PKHD1: variants seen among roughly 807,000 people sequenced by gnomAD.
PKHD1 encodes the protein fibrocystin.
Under a neutral mutation model 412.0 loss-of-function variants are expected in PKHD1, and 291 were observed. The ratio of observed to expected loss-of-function variants is 0.71; its 90% CI spans 0.64 to 0.78. PKHD1 has a LOEUF of 0.78. Among genes scored for constraint, PKHD1 ranks in the 30% least tolerant of loss-of-function variants. The pLI is 0.00. For missense variants in PKHD1, 4,825 were observed against 4,950.7 expected, an observed-to-expected ratio of 0.97 and a Z score of 0.76; for synonymous variants, 1,777 against 1,821.5, an observed-to-expected ratio of 0.98 and a Z score of 0.62.
intron 14 of PKHD1, among the ~76,000 whole-genome samples, chr6:52,061,841 A>G (rs1235145813): frequency 6.6e-6 from 1 of 152,200 alleles, no homozygotes; most frequent in Admixed American, 6.5e-5. Context: ...TTCAACATAT[A>G]CACTGAGAAC....
intron 65 of PKHD1, among the ~76,000 whole-genome samples, chr6:51,631,586 C>T (rs1767923833): frequency 6.6e-6 from 1 of 152,190 alleles, no homozygotes; most frequent in African/African-American, 2.4e-5. Context: ...TTCACTCTTG[C>T]TTTTACTTTG....
Position 52,069,359 on chromosome 6 carries a change from T to C in PKHD1, c.778+98A>G, listed in dbSNP as rs763397252. The C allele has an allele frequency of 2.2e-5, 19 of 849,248 alleles. No homozygotes were observed. In the Admixed American group the frequency reaches 3.2e-4, roughly 14 times the overall value. 52.6% of individuals were successfully genotyped at this position (849,248 alleles called of 1,614,324 possible). On this transcript the variant is annotated intron_variant, in intron 11 of 66. Transcript: ENST00000371117. ...CTATGATTGTAGGGACAGCTTCGGG[T>C]GTTAATGGTCATCAAGAAATGGCCA...
At chr6:51,854,269 A>G (rs1282807388) in intron 49 of PKHD1, among the ~76,000 whole-genome samples, 1 of 151,976 alleles carries the variant, frequency 6.6e-6, no homozygotes, top group African/African-American at 2.4e-5. Context: ...ATGTCACTCA[A>G]GGAGACAGGA....
intron 60 of PKHD1, among the ~76,000 whole-genome samples, chr6:51,702,987 G>A (rs1210103529): frequency 6.6e-6 from 1 of 150,588 alleles, no homozygotes; most frequent in Non-Finnish European, 1.5e-5. Flanking sequence ...AAGATAAATG[G>A]CCCCCTGCCC....
chr6:51,873,010 T>C (rs935396444), intron 46 of PKHD1, among the ~76,000 whole-genome samples: 2 of 147,482 alleles, frequency 1.4e-5, no homozygotes, highest in Non-Finnish European at 3.0e-5. Context: ...ATGAAGGAAA[T>C]CTCCAGGATA....
intron 60 of PKHD1, among the ~76,000 whole-genome samples, chr6:51,672,832 GA>G (rs1040778385): frequency 2.0e-5 from 3 of 152,174 alleles, no homozygotes; most frequent in African/African-American, 7.2e-5. Context: ...TGAACAATTT[GA>G]GTTGGAAAGA....
chr6:51,731,421 T>C (rs1171590849), intron 60 of PKHD1, among the ~76,000 whole-genome samples: 1 of 152,210 alleles, frequency 6.6e-6, no homozygotes, highest in Non-Finnish European at 1.5e-5. Flanking sequence ...TAAAGGATTG[T>C]TAACTTGAGT....
At chr6:51,661,953 C>A (rs1772932462) in intron 60 of PKHD1, among the ~76,000 whole-genome samples, 1 of 151,850 alleles carries the variant, frequency 6.6e-6, no homozygotes, top group Admixed American at 6.6e-5. Flanking sequence ...CTATGCTAAA[C>A]CTGACCATGG....
At position 52,022,811 on chromosome 6, in the gene PKHD1, C is replaced by T. The variant is rs758616921; in HGVS notation, c.5370G>A (p.Leu1790=). The change falls in exon 33 of 67, where the codon CTG becomes CTA. Residue 1790 remains leucine, a synonymous_variant. Coordinates refer to ENST00000371117, the MANE Select transcript of PKHD1 (RefSeq NM_138694.4). ...ATVSAFSCLV[L]PLDVSLAFLC... Reference sequence around the variant, plus strand: ...GGCATCTTTACTCACCATCCAGGGGCAGAACCAAGCAGCTGAAGGCAGACA... The same window carrying T: ...GGCATCTTTACTCACCATCCAGGGGTAGAACCAAGCAGCTGAAGGCAGACA... 1 of 1,613,966 alleles carries T rather than the reference C, an allele frequency of 6.2e-7. No individual in the cohort carries two copies.
intron 60 of PKHD1, among the ~76,000 whole-genome samples, chr6:51,722,475 G>T (rs1026822270): frequency 6.6e-6 from 1 of 152,108 alleles, no homozygotes; most frequent in Non-Finnish European, 1.5e-5. Flanking sequence ...AAAAGCAAAG[G>T]CCCTAAACTC....
At chr6:51,672,462 GA>G (rs1775159217) in intron 60 of PKHD1, among the ~76,000 whole-genome samples, 2 of 152,196 alleles carry the variant, frequency 1.3e-5, no homozygotes, top group Non-Finnish European at 2.9e-5. Flanking sequence ...ACACATAGCT[GA>G]GATTTGTTTT....
chr6:51,771,715 A>G (rs1370477258), intron 55 of PKHD1, among the ~76,000 whole-genome samples: 1 of 151,982 alleles, frequency 6.6e-6, no homozygotes, highest in Non-Finnish European at 1.5e-5. Context: ...TTATTCTCAA[A>G]TTTTATTTCT....
intron 61 of PKHD1, among the ~76,000 whole-genome samples, chr6:51,651,566 T>C (rs1215158708): frequency 6.6e-6 from 1 of 152,062 alleles, no homozygotes; most frequent in African/African-American, 2.4e-5. Context: ...TTCTGATAGG[T>C]CAATAGCAGC....
intron 37 of PKHD1, among the ~76,000 whole-genome samples, chr6:51,923,638 T>A (rs1229002248): frequency 1.3e-5 from 2 of 152,168 alleles, no homozygotes; most frequent in East Asian, 3.8e-4. Context: ...AAAATATTTG[T>A]AGATTTGCCA....
intron 48 of PKHD1, among the ~76,000 whole-genome samples, chr6:51,861,161 A>G (rs1244045482): frequency 6.6e-6 from 1 of 152,164 alleles, no homozygotes; most frequent in Non-Finnish European, 1.5e-5. Flanking sequence ...ATATAACACT[A>G]TCACTTGGTA....
chr6:51,889,312 T>A (rs1425090115), intron 43 of PKHD1, among the ~76,000 whole-genome samples: 1 of 152,122 alleles, frequency 6.6e-6, no homozygotes, highest in East Asian at 1.9e-4. Flanking sequence ...CAACAAGACA[T>A]TAAATGCCTT....
chr6:51,791,709 G>A (rs981761146), intron 52 of PKHD1, among the ~76,000 whole-genome samples: 4 of 152,190 alleles, frequency 2.6e-5, no homozygotes, highest in Non-Finnish European at 4.4e-5. Flanking sequence ...TTTGGCTCTA[G>A]TTTCAGGGAT....
At chr6:52,063,490 A>C (rs1324536370) in intron 13 of PKHD1, among the ~76,000 whole-genome samples, 2 of 152,260 alleles carry the variant, frequency 1.3e-5, no homozygotes, top group Non-Finnish European at 2.9e-5. Context: ...TTATTATTTT[A>C]AACTAATACT....
At chr6:51,913,295 C>T (rs996163846) in intron 37 of PKHD1, among the ~76,000 whole-genome samples, 6 of 152,070 alleles carry the variant, frequency 3.9e-5, no homozygotes, top group Non-Finnish European at 7.4e-5. Context: ...AAAAACTAGA[C>T]CTATCTAACA....
Sources: allele counts gnomAD v4.1 joint callset (sites outside exome capture counted in the v4.1 genomes callset), GRCh38; gene constraint gnomAD v4.1.1; transcripts MANE v1.5; gene names NCBI Gene and HGNC (gene_info 2026-07-23, HGNC 2026-07-21).